Variants in SYT7 observed in about 807,000 individuals in gnomAD.
The protein encoded by SYT7 is synaptotagmin 7, also known as synaptotagmin-7.
In SYT7, 29 loss-of-function variants were observed where a neutral mutation model predicts 75.1. The observed-to-expected ratio is 0.39, with a 90% CI of 0.29 to 0.53. The LOEUF (loss-of-function observed/expected upper bound fraction) is 0.53. Ranked by LOEUF, SYT7 falls within the 20% of genes least tolerant of loss-of-function variation. The pLI, the probability that SYT7 is intolerant of heterozygous loss-of-function variation, is 0.77. For synonymous variants in SYT7, 376 were observed against 401.7 expected, an observed-to-expected ratio of 0.94 and a Z score of 0.76; for missense variants, 693 against 953.2, an observed-to-expected ratio of 0.73 and a Z score of 3.59.
chr11:61,525,837 A>G (rs1157196625), intron 9 of SYT7: 1 of 152,424 alleles, frequency 6.6e-6, no homozygotes, highest in African/African-American at 2.4e-5. Flanking sequence ...TGCTGAGGTG[A>G]GGTGTCCGCT....
At chr11:61,541,526 A>C (rs187019603) in intron 6 of SYT7, among the ~76,000 whole-genome samples, 173 of 152,282 alleles carry the variant, frequency 1.1e-3, no homozygotes, top group African/African-American at 4.1e-3. Context: ...TATATACTTG[A>C]AAGAAAGCTC....
rs1000565430 is a variant in SYT7, at chr11:61,553,237, G to A, written c.136-1774C>T. 2.0e-5 allele frequency among the ~76,000 whole-genome samples: 3 copies of A among 152,186 alleles called. No individual in the cohort carries two copies. Among genetic ancestry groups the A allele is most frequent in the African/African-American group, 7.2e-5 (3 of 41,446 alleles). On this transcript the variant is annotated intron_variant, in intron 2 of 12. Transcript: ENST00000539008. This position sits in a 1 kb window ranked among gnomAD's most constrained non-coding sequence, Gnocchi z 5.2. ...AGTTCCAACTGGGAAGATCCTATGC[G>A]GCTGTGCCACAGTGACCTCAGGCCC...
chr11:61,581,028 C>A lies in SYT7; in HGVS notation c.-208G>T. 1.2e-6 allele frequency: 1 copy of A among 809,238 alleles called. No homozygotes were observed. Among genetic ancestry groups the A allele is most frequent in the South Asian group, 5.4e-5 (1 of 18,608 alleles). 50.1% of individuals were successfully genotyped at this position (809,238 alleles called of 1,614,324 possible). A position where few individuals can be genotyped will look rare whatever the true frequency, so the allele number is the denominator to read the frequency against. ...CGCCCGCGGAGCACGCTGCCGCCGC[C>A]GCCGAACAGCGCCGAGCCGCCTCCC... is the stretch of plus-strand genomic sequence containing the variant. On this transcript the variant is annotated 5_prime_UTR_variant, in exon 1 of 13. Coordinates refer to ENST00000539008, the MANE Select transcript of SYT7 (RefSeq NM_001365809.2).
At position 61,580,794 on chromosome 11, in the gene SYT7, G is replaced by A. The variant is rs1227112822; in HGVS notation, c.27C>T (p.Ser9=). MYRDPEAA[S]PGAPSRDVLL... is the part of the protein sequence containing the mutation. ...GCCCGCCGGGGCCGCGCTTACCTGG[G>A]CTGGCCGCCTCCGGGTCCCGGTACA... Residue 9 remains serine, a synonymous_variant, in exon 1 of 13, where the codon AGC becomes AGT. Coordinates refer to ENST00000539008, the MANE Select transcript of SYT7 (RefSeq NM_001365809.2). The surrounding 1 kb of genome is among the most constrained non-coding windows in gnomAD (Gnocchi z 6.1). The A allele has an allele frequency of 5.4e-6, 7 of 1,290,690 alleles. No individual in the cohort carries two copies. The African/African-American group carries it at 1.1e-4, about 20-fold the overall frequency. The allele number at this position is 1,290,690 out of a possible 1,614,324, so 80.0% of individuals were successfully genotyped here. A position where few individuals can be genotyped will look rare whatever the true frequency, so the allele number is the denominator to read the frequency against.
rs558050143 is a variant in SYT7, at chr11:61,553,960, C to G, written c.135+2144G>C. The stretch of plus-strand genomic sequence containing the variant: ...CAACGAGCTCCCTGGCTTCTGGAAC[C>G]CCTGAGGCGGAGGGGAGGGGGTGGC... On this transcript the variant is annotated intron_variant, in intron 2 of 12. Coordinates refer to ENST00000539008, the MANE Select transcript of SYT7 (RefSeq NM_001365809.2). The surrounding 1 kb of genome is among the most constrained non-coding windows in gnomAD (Gnocchi z 5.2). 1.1e-4 allele frequency among the ~76,000 whole-genome samples: 17 copies of G among 152,160 alleles called. No homozygotes were observed. Among genetic ancestry groups the G allele is most frequent in the African/African-American group, 4.1e-4 (17 of 41,482 alleles).
At position 61,524,007 on chromosome 11, in the gene SYT7, C is replaced by A; in HGVS notation, c.1642-66G>T. 7.1e-7 allele frequency: 1 copy of A among 1,406,548 alleles called. No homozygotes were observed. The highest frequency in any genetic ancestry group is 1.0e-6 in the Non-Finnish European group (1 of 995,606). The allele number at this position is 1,406,548 out of a possible 1,614,324, so 87.1% of individuals were successfully genotyped here. On this transcript the variant is annotated intron_variant, in intron 10 of 12. Transcript: ENST00000539008. This position sits in a 1 kb window ranked among gnomAD's most constrained non-coding sequence, Gnocchi z 4.1. ...CAGAGCTCTCTGATTGGCCTAGCTG[C>A]CCCCAGGTCCCCTCTACCCTGACCT...
intron 1 of SYT7, among the ~76,000 whole-genome samples, chr11:61,578,359 A>C (rs909016362): frequency 4.0e-5 from 6 of 151,890 alleles, no homozygotes; most frequent in South Asian, 2.1e-4. Context: ...GGAGCAGGAG[A>C]GGACAGATTT....
intron 12 of SYT7, among the ~76,000 whole-genome samples, chr11:61,519,465 G>A (rs543540169): frequency 2.6e-5 from 4 of 152,314 alleles, no homozygotes; most frequent in Admixed American, 6.5e-5. Flanking sequence ...TAGGACACCC[G>A]GCCAGTATTC....
Position 61,523,666 on chromosome 11 carries a change from G to T in SYT7, c.1756+161C>A, listed in dbSNP as rs1302576458. On this transcript the variant is annotated intron_variant, in intron 11 of 12. Coordinates refer to ENST00000539008, the MANE Select transcript of SYT7 (RefSeq NM_001365809.2). The surrounding 1 kb of genome is among the most constrained non-coding windows in gnomAD (Gnocchi z 5.0). ...AGTCCGAGATGAGGGTGCTCCAAAG[G>T]GGGGCCCCAGGGTCTCTAGGGTAAG... 6.6e-6 allele frequency among the ~76,000 whole-genome samples: 1 copy of T among 152,136 alleles called. No individual in the cohort carries two copies. Among genetic ancestry groups the T allele is most frequent in the Non-Finnish European group, 1.5e-5 (1 of 68,036 alleles).
Position 61,513,876 on chromosome 11 carries a change from T to C in SYT7, c.*4751A>G, listed in dbSNP as rs1445376822. 1.3e-5 allele frequency among the ~76,000 whole-genome samples: 2 copies of C among 152,120 alleles called. No homozygotes were observed. Among genetic ancestry groups the C allele is most frequent in the African/African-American group, 4.8e-5 (2 of 41,418 alleles). ...GCGGGGCGTCTTCACGGGAAACAGA[T>C]GGTCTGGGGAGCCACGAGCTGGGGC... On this transcript the variant is annotated 3_prime_UTR_variant, in exon 13 of 13. Coordinates refer to ENST00000539008, the MANE Select transcript of SYT7 (RefSeq NM_001365809.2).
chr11:61,562,333 T>C (rs1448936332), intron 1 of SYT7, among the ~76,000 whole-genome samples: 2 of 152,226 alleles, frequency 1.3e-5, no homozygotes, highest in African/African-American at 4.8e-5. Context: ...CTCTGATTCT[T>C]CCAAGCCATG....
intron 7 of SYT7, among the ~76,000 whole-genome samples, chr11:61,535,403 G>C (rs981516437): frequency 2.0e-5 from 3 of 152,252 alleles, no homozygotes; most frequent in African/African-American, 7.2e-5. Flanking sequence ...CTTGGGGTGG[G>C]GGTGGGCCGC....
chr11:61,530,920 CCAG>C (rs2062685616), intron 8 of SYT7: 1 of 985,438 alleles, frequency 1.0e-6, no homozygotes. Flanking sequence ...AGCGCTTGCA[CCAG>C]CAGAAGTCAG....
At chr11:61,538,035 G>T in intron 7 of SYT7, 109 bp downstream of exon 7, 1 of 1,450,424 alleles carries the variant, frequency 6.9e-7, no homozygotes, top group Non-Finnish European at 9.2e-7. Context: ...TCCAGCATCC[G>T]CTGAAGGCAC....
chr11:61,531,978 G>A (rs1364043988), intron 8 of SYT7, among the ~76,000 whole-genome samples: 5 of 151,406 alleles, frequency 3.3e-5, no homozygotes, highest in South Asian at 2.1e-4. Flanking sequence ...CAAGGTTCCC[G>A]GCTGATTCCT....
At chr11:61,534,365 G>A (rs566572215) in intron 7 of SYT7, among the ~76,000 whole-genome samples, 6 of 151,858 alleles carry the variant, frequency 4.0e-5, no homozygotes, top group South Asian at 2.1e-4. Context: ...CAGGGTGCAC[G>A]TGCGCACACA....
At position 61,565,853 on chromosome 11, in the gene SYT7, T is replaced by G. The variant is rs541551399; in HGVS notation, c.32-9646A>C. Among the ~76,000 whole-genome samples, 5 of 152,384 alleles carry G rather than the reference T, an allele frequency of 3.3e-5. No individual in the cohort carries two copies. In the South Asian group the frequency reaches 8.3e-4, roughly 25 times the overall value. ...CAGCACGAGCAAGCTTCCTCAACCT[T>G]GACTGTAATAAAAACAGATAATGTG... On this transcript the variant is annotated intron_variant, in intron 1 of 12. Coordinates refer to ENST00000539008, the MANE Select transcript of SYT7 (RefSeq NM_001365809.2).
chr11:61,516,912 G>A lies in SYT7; in HGVS notation c.*1715C>T. ...ATGGGCAAAAGGCGACCCGTCTACT[G>A]CAGCAAGCAGAATGCTCAGCTCAAG... is the stretch of plus-strand genomic sequence containing the variant. On this transcript the variant is annotated 3_prime_UTR_variant, in exon 13 of 13. Coordinates refer to ENST00000539008, the MANE Select transcript of SYT7 (RefSeq NM_001365809.2). This position sits in a 1 kb window ranked among gnomAD's most constrained non-coding sequence, Gnocchi z 4.6. The A allele has an allele frequency of 4.5e-6, 1 of 224,122 alleles. No individual in the cohort carries two copies. The highest frequency in any genetic ancestry group is 8.7e-6 in the Non-Finnish European group (1 of 115,470). The allele number at this position is 224,122 out of a possible 1,614,324, so 13.9% of individuals were successfully genotyped here. A position where few individuals can be genotyped will look rare whatever the true frequency, so the allele number is the denominator to read the frequency against.
intron 6 of SYT7, among the ~76,000 whole-genome samples, chr11:61,541,821 G>C (rs2063050670): frequency 6.6e-6 from 1 of 152,132 alleles, no homozygotes; most frequent in African/African-American, 2.4e-5. Flanking sequence ...GAGTAAAAGG[G>C]ATGGGTTTTG....
Sources: allele counts gnomAD v4.1 joint callset (sites outside exome capture counted in the v4.1 genomes callset), GRCh38; gene constraint gnomAD v4.1.1; non-coding constraint Gnocchi (gnomAD v3.1); transcripts MANE v1.5; gene names NCBI Gene and HGNC (gene_info 2026-07-23, HGNC 2026-07-21).